KIAA1217: variants seen among roughly 807,000 people sequenced by gnomAD.
KIAA1217 encodes the protein sickle tail protein homolog.
KIAA1217 carries 88 observed loss-of-function variants against 163.9 expected under a neutral mutation model. The observed-to-expected ratio is 0.54, with a 90% CI of 0.45 to 0.64. The LOEUF (loss-of-function observed/expected upper bound fraction) is 0.64. Among genes scored for constraint, KIAA1217 ranks in the 30% least tolerant of loss-of-function variants. The pLI is 0.00. For missense variants in KIAA1217, 2,372 were observed against 2,475.0 expected (o/e 0.96, Z 0.88); for synonymous variants, 903 against 923.1 (o/e 0.98, Z 0.39).
chr10:23,985,211 A>G (rs867195433), intron 1 of KIAA1217, among the ~76,000 whole-genome samples: 1 of 152,188 alleles, frequency 6.6e-6, no homozygotes, highest in African/African-American at 2.4e-5. Flanking sequence ...TTAATGATAT[A>G]CAATGCCCTT....
intron 1 of KIAA1217, among the ~76,000 whole-genome samples, chr10:23,903,384 A>G (rs1564520523): frequency 6.6e-6 from 1 of 152,124 alleles, no homozygotes; most frequent in African/African-American, 2.4e-5. Context: ...ACAAATTAAC[A>G]ACAGAAAAGC....
chr10:24,111,092 T>C (rs1012511641), intron 2 of KIAA1217, among the ~76,000 whole-genome samples: 1 of 152,228 alleles, frequency 6.6e-6, no homozygotes, highest in Non-Finnish European at 1.5e-5. Flanking sequence ...TGATGTTAGC[T>C]ATTTGGTACA....
At chr10:24,066,477 C>G (rs2060951167) in intron 2 of KIAA1217, among the ~76,000 whole-genome samples, 1 of 152,176 alleles carries the variant, frequency 6.6e-6, no homozygotes, top group Non-Finnish European at 1.5e-5. Context: ...GGCCCCCACT[C>G]CCTTCTGGCT....
At chr10:24,140,168 G>A (rs1030888094) in intron 2 of KIAA1217, among the ~76,000 whole-genome samples, 4 of 151,918 alleles carry the variant, frequency 2.6e-5, no homozygotes, top group African/African-American at 4.8e-5. Flanking sequence ...TACCATCCTG[G>A]CTAACACAGT....
chr10:23,878,638 G>A (rs948914612), intron 1 of KIAA1217, among the ~76,000 whole-genome samples: 2 of 151,932 alleles, frequency 1.3e-5, no homozygotes, highest in Non-Finnish European at 2.9e-5. Flanking sequence ...GTGATGAGGA[G>A]AGGGTGCTAT....
intron 5 of KIAA1217, among the ~76,000 whole-genome samples, chr10:24,456,903 C>T (rs752965706): frequency 4.6e-5 from 7 of 151,870 alleles, no homozygotes; most frequent in Non-Finnish European, 8.8e-5. Flanking sequence ...GGTTTCACCA[C>T]GTTGGCCAGG....
intron 1 of KIAA1217, among the ~76,000 whole-genome samples, chr10:23,730,320 T>G: frequency 6.6e-6 from 1 of 152,214 alleles, no homozygotes; most frequent in Non-Finnish European, 1.5e-5. Context: ...TTATTATATT[T>G]CCTTTTCTTA....
At chr10:24,364,713 C>G (rs141573340) in intron 2 of KIAA1217, among the ~76,000 whole-genome samples, 2 of 152,142 alleles carry the variant, frequency 1.3e-5, no homozygotes, top group Non-Finnish European at 2.9e-5. Context: ...CTCCACAGTT[C>G]GGAGGCTTTG....
chr10:23,740,131 C>T (rs190951460), intron 1 of KIAA1217, among the ~76,000 whole-genome samples: 2 of 152,126 alleles, frequency 1.3e-5, no homozygotes, highest in East Asian at 3.9e-4. Context: ...GGGGAGAGGT[C>T]AGGCTGGAGA....
intron 2 of KIAA1217, among the ~76,000 whole-genome samples, chr10:24,244,272 TAGAGAGCAGA>T (rs2073484292): frequency 6.6e-6 from 1 of 152,040 alleles, no homozygotes. Context: ...ACCGGGGAGG[TAGAGAGCAGA>T]GAGTTCTCCT....
chr10:24,023,729 T>A (rs920894655), intron 2 of KIAA1217, among the ~76,000 whole-genome samples: 1 of 151,518 alleles, frequency 6.6e-6, no homozygotes, highest in East Asian at 1.9e-4. Flanking sequence ...TACAAAATAA[T>A]GAAAACAGAA....
At chr10:23,975,804 A>C (rs1845514863) in intron 1 of KIAA1217, among the ~76,000 whole-genome samples, 1 of 152,190 alleles carries the variant, frequency 6.6e-6, no homozygotes, top group Non-Finnish European at 1.5e-5. Flanking sequence ...CTTCTACTTG[A>C]AAATGTTACA....
In KIAA1217 at chr10:23,702,168, A is replaced by G. The variant is rs7100701; in HGVS notation, c.-321+6934A>G. ...TTAAAGTGCAGCATATCTATGAGAA[A>G]TTCATTTTATTGTAACTGTAAAAGA... On this transcript the variant is annotated intron_variant, in intron 1 of 18. Transcript: ENST00000376462. 1.4e-3 allele frequency among the ~76,000 whole-genome samples: 213 copies of G among 152,232 alleles called. 1 individual carries two copies. Among genetic ancestry groups the G allele is most frequent in the South Asian group, 5.4e-3 (26 of 4,822 alleles).
chr10:24,267,934 A>G (rs2076391841), intron 2 of KIAA1217, among the ~76,000 whole-genome samples: 1 of 152,194 alleles, frequency 6.6e-6, no homozygotes, highest in African/African-American at 2.4e-5. Context: ...ATTTCCCATT[A>G]TCTTACACCT....
chr10:24,203,227 T>C (rs377063807), intron 2 of KIAA1217, among the ~76,000 whole-genome samples: 2 of 151,982 alleles, frequency 1.3e-5, no homozygotes, highest in African/African-American at 2.4e-5. Context: ...ATACCTCCCC[T>C]TTTATTCTTC....
intron 2 of KIAA1217, among the ~76,000 whole-genome samples, chr10:24,192,845 A>G (rs919457805): frequency 2.0e-5 from 3 of 152,212 alleles, no homozygotes; most frequent in East Asian, 1.9e-4. Flanking sequence ...TGGTAGTGCA[A>G]TCATAGCTCC....
chr10:23,942,458 T>C (rs1193809779), intron 1 of KIAA1217, among the ~76,000 whole-genome samples: 1 of 152,200 alleles, frequency 6.6e-6, no homozygotes, highest in Non-Finnish European at 1.5e-5. Context: ...AAACAAGATC[T>C]ATTAATTTGA....
intron 1 of KIAA1217, among the ~76,000 whole-genome samples, chr10:24,216,139 G>C (rs1162693471): frequency 6.6e-6 from 1 of 152,170 alleles, no homozygotes; most frequent in South Asian, 2.1e-4. Context: ...CAGTAAGTCA[G>C]GGCTGCTCAA....
At chr10:24,440,980 G>C (rs545883211) in intron 5 of KIAA1217, among the ~76,000 whole-genome samples, 1 of 152,186 alleles carries the variant, frequency 6.6e-6, no homozygotes, top group Non-Finnish European at 1.5e-5. Context: ...GATGAATGTG[G>C]CTGCATTGCC....
Sources: allele counts gnomAD v4.1 joint callset (sites outside exome capture counted in the v4.1 genomes callset), GRCh38; gene constraint gnomAD v4.1.1; transcripts MANE v1.5; gene names NCBI Gene and HGNC (gene_info 2026-07-23, HGNC 2026-07-21).